Variants in SKAP1 observed in about 807,000 individuals in gnomAD.
SKAP1 encodes src kinase associated phosphoprotein 1, also known as src kinase-associated phosphoprotein 1.
In SKAP1, 44 loss-of-function variants were observed where a neutral mutation model predicts 58.5. The observed-to-expected ratio is 0.75, with a 90% CI of 0.59 to 0.97. The LOEUF is 0.97. Ranked by LOEUF, SKAP1 falls within the 50% of genes least tolerant of loss-of-function variation. The pLI, the probability that SKAP1 is intolerant of heterozygous loss-of-function variation, is 0.00. For missense variants in SKAP1, 390 were observed against 435.2 expected, an observed-to-expected ratio of 0.90 and a Z score of 0.92; for synonymous variants, 127 against 149.7, an observed-to-expected ratio of 0.85 and a Z score of 1.11.
intron 8 of SKAP1, among the ~76,000 whole-genome samples, chr17:48,181,527 C>T (rs1026618124): frequency 3.3e-5 from 5 of 152,170 alleles, no homozygotes; most frequent in African/African-American, 1.2e-4. Flanking sequence ...GTAAAACAGG[C>T]AATTCTTGTA....
intron 4 of SKAP1, among the ~76,000 whole-genome samples, chr17:48,198,256 C>T (rs1363769061): frequency 6.6e-6 from 1 of 151,758 alleles, no homozygotes; most frequent in Non-Finnish European, 1.5e-5. Flanking sequence ...GAGATCGAGA[C>T]CATCTTGGCT....
chr17:48,141,743 T>C (rs2063769894), intron 11 of SKAP1, among the ~76,000 whole-genome samples: 1 of 152,168 alleles, frequency 6.6e-6, no homozygotes, highest in Non-Finnish European at 1.5e-5. Flanking sequence ...TGTTCAGCAT[T>C]GTTACTCACC....
intron 4 of SKAP1, among the ~76,000 whole-genome samples, chr17:48,249,378 A>G (rs1478500875): frequency 6.6e-6 from 1 of 152,188 alleles, no homozygotes; most frequent in Admixed American, 6.5e-5. Context: ...GAATATTAAA[A>G]CTTTACAATT....
intron 4 of SKAP1, among the ~76,000 whole-genome samples, chr17:48,283,239 T>A (rs566656623): frequency 4.6e-5 from 7 of 152,210 alleles, no homozygotes; most frequent in Non-Finnish European, 1.0e-4. Flanking sequence ...TAGAGTAGAC[T>A]ATGATACAGA....
At chr17:48,324,586 C>T (rs926243473) in intron 4 of SKAP1, among the ~76,000 whole-genome samples, 1 of 151,954 alleles carries the variant, frequency 6.6e-6, no homozygotes, top group African/African-American at 2.4e-5. Context: ...AACATCTTTC[C>T]ATAGTCATTA....
chr17:48,176,993 G>A (rs2064300022), intron 9 of SKAP1, among the ~76,000 whole-genome samples: 1 of 152,084 alleles, frequency 6.6e-6, no homozygotes, highest in South Asian at 2.1e-4. Context: ...CCTCCACAAA[G>A]CACATTTACC....
chr17:48,144,618 C>T (rs2063806592), intron 11 of SKAP1, among the ~76,000 whole-genome samples: 1 of 152,190 alleles, frequency 6.6e-6, no homozygotes, highest in South Asian at 2.1e-4. Flanking sequence ...TTTTATTAAA[C>T]TATTAAAATG....
chr17:48,134,311 T>C (rs1363043746), intron 12 of SKAP1, among the ~76,000 whole-genome samples: 1 of 152,022 alleles, frequency 6.6e-6, no homozygotes, highest in African/African-American at 2.4e-5. Context: ...AAACCAAAAA[T>C]GGTCAATAGG....
chr17:48,350,666 G>A (rs754068094), intron 3 of SKAP1, among the ~76,000 whole-genome samples: 8 of 152,038 alleles, frequency 5.3e-5, no homozygotes, highest in East Asian at 1.9e-4. Context: ...ATTGCACTCC[G>A]GCCTGGGCAA....
chr17:48,326,862 G>C (rs369320762), intron 4 of SKAP1, among the ~76,000 whole-genome samples: 2 of 151,400 alleles, frequency 1.3e-5, no homozygotes, highest in Non-Finnish European at 2.9e-5. Context: ...TCGACCACAA[G>C]GTGTGTGACA....
chr17:48,251,753 A>G (rs1260623737), intron 4 of SKAP1, among the ~76,000 whole-genome samples: 1 of 152,246 alleles, frequency 6.6e-6, no homozygotes, highest in Non-Finnish European at 1.5e-5. Context: ...AATTTCATGT[A>G]TCACCTCCTG....
chr17:48,178,385 C>T (rs1567807564), intron 9 of SKAP1, among the ~76,000 whole-genome samples: 1 of 152,090 alleles, frequency 6.6e-6, no homozygotes, highest in Non-Finnish European at 1.5e-5. Context: ...CGGATATTTC[C>T]CCAAGCCTGG....
intron 8 of SKAP1, among the ~76,000 whole-genome samples, chr17:48,181,434 T>A (rs1404336496): frequency 6.6e-6 from 1 of 152,216 alleles, no homozygotes; most frequent in East Asian, 1.9e-4. Context: ...TCAATGTTCA[T>A]GTTTGCCTAG....
At chr17:48,336,230 G>T (rs1418711975) in intron 4 of SKAP1, among the ~76,000 whole-genome samples, 1 of 152,134 alleles carries the variant, frequency 6.6e-6, no homozygotes, top group African/African-American at 2.4e-5. Flanking sequence ...CACTACACTG[G>T]TGTGCTCTCC....
intron 2 of SKAP1, among the ~76,000 whole-genome samples, chr17:48,369,613 A>G (rs1332797623): frequency 3.3e-5 from 5 of 152,346 alleles, no homozygotes; most frequent in African/African-American, 1.2e-4. Context: ...TAATAACAGT[A>G]GTGCTAATAA....
chr17:48,140,450 G>A (rs2063754671), intron 11 of SKAP1, among the ~76,000 whole-genome samples: 1 of 151,988 alleles, frequency 6.6e-6, no homozygotes, highest in African/African-American at 2.4e-5. Flanking sequence ...CTTCTCTTCT[G>A]TCTTGATGCG....
intron 2 of SKAP1, among the ~76,000 whole-genome samples, chr17:48,370,588 C>A (rs1013318664): frequency 6.6e-6 from 1 of 152,162 alleles, no homozygotes; most frequent in Non-Finnish European, 1.5e-5. Flanking sequence ...TGAGCCACCA[C>A]ACCTGGCCAG....
chr17:48,236,879 C>T (rs2065186658), intron 4 of SKAP1, among the ~76,000 whole-genome samples: 2 of 152,284 alleles, frequency 1.3e-5, no homozygotes, highest in East Asian at 3.9e-4. Context: ...ACTCTATTGT[C>T]AAGTAGTTAC....
At position 48,430,152 on chromosome 17, in the gene SKAP1, GCGGGCCCTGGT is replaced by G; in HGVS notation, c.-43_-33del. ...GGGCGGGAGAGAGGCGGGACGGGGC[GCGGGCCCTGGT>G]CGGGAGGCGGACGGGCTGGAAGGCG... is the stretch of plus-strand genomic sequence containing the variant. On this transcript the variant is annotated 5_prime_UTR_variant, in exon 1 of 13. Transcript: ENST00000336915. 1.6e-6 allele frequency: 2 copies of G among 1,253,126 alleles called. No homozygotes were observed. The highest frequency in any genetic ancestry group is 2.0e-6 in the Non-Finnish European group (2 of 991,396). The allele number at this position is 1,253,126 out of a possible 1,614,324, so 77.6% of individuals were successfully genotyped here.
Sources: allele counts gnomAD v4.1 joint callset (sites outside exome capture counted in the v4.1 genomes callset), GRCh38; gene constraint gnomAD v4.1.1; transcripts MANE v1.5; gene names NCBI Gene and HGNC (gene_info 2026-07-23, HGNC 2026-07-21).